Variants in NEXN observed in about 807,000 individuals in gnomAD.
The protein encoded by NEXN is nexilin F-actin binding protein, also known as nexilin.
NEXN carries 65 observed loss-of-function variants against 92.6 expected under a neutral mutation model. The observed-to-expected ratio is 0.70, with a 90% confidence interval of 0.57 to 0.86. The LOEUF (loss-of-function observed/expected upper bound fraction) is 0.86. Ranked by LOEUF, NEXN falls within the 40% of genes least tolerant of loss-of-function variation. The pLI is 0.00. For synonymous variants in NEXN, 254 were observed against 242.5 expected (o/e 1.05, Z -0.44); for missense variants, 778 against 771.1 (o/e 1.01, Z -0.11).
At chr1:77,934,011 A>ATTTTTTTTTTTTTT (rs71075780) in intron 10 of NEXN, among the ~76,000 whole-genome samples, 23 of 114,312 alleles carry the variant, frequency 2.0e-4, no homozygotes, top group East Asian at 5.0e-4. Flanking sequence ...CTAATTTTTA[A>ATTTTTTTTTTTTTT]TTTTTTTTTT....
At chr1:77,921,124 A>G (rs187623643) in intron 5 of NEXN, among the ~76,000 whole-genome samples, 1 of 152,346 alleles carries the variant, frequency 6.6e-6, no homozygotes, top group East Asian at 1.9e-4. Flanking sequence ...TTTTACCATA[A>G]GCTAATAAAG....
intron 9 of NEXN, chr1:77,931,918 G>C (rs970982238): frequency 6.6e-6 from 1 of 152,038 alleles, no homozygotes; most frequent in African/African-American, 2.4e-5. Context: ...ATGTTATACC[G>C]CGCCCGGCCT....
At chr1:77,939,934 C>T (rs866223879) in intron 11 of NEXN, among the ~76,000 whole-genome samples, 3 of 152,002 alleles carry the variant, frequency 2.0e-5, no homozygotes, top group Admixed American at 6.6e-5. Context: ...ATTAGCCGGG[C>T]GTGGTGGCAG....
At chr1:77,936,581 G>A (rs186566397) in intron 11 of NEXN, among the ~76,000 whole-genome samples, 256 of 152,224 alleles carry the variant, frequency 1.7e-3, no homozygotes, top group African/African-American at 5.9e-3. Flanking sequence ...GTAGTAATTC[G>A]GTGTGGAAGA....
intron 10 of NEXN, among the ~76,000 whole-genome samples, chr1:77,934,375 T>C (rs1650575494): frequency 6.6e-6 from 1 of 152,202 alleles, no homozygotes; most frequent in African/African-American, 2.4e-5. Context: ...CTCAAACTTC[T>C]GGCAAGCGAT....
intron 10 of NEXN, among the ~76,000 whole-genome samples, chr1:77,935,096 C>G (rs1259888086): frequency 6.6e-6 from 1 of 152,210 alleles, no homozygotes; most frequent in Non-Finnish European, 1.5e-5. Flanking sequence ...CAAAGTCTTG[C>G]TGTGTCACCC....
intron 5 of NEXN, among the ~76,000 whole-genome samples, chr1:77,920,553 T>A (rs1376047581): frequency 6.8e-6 from 1 of 147,846 alleles, no homozygotes; most frequent in East Asian, 2.0e-4. Flanking sequence ...CCCAGGAGTT[T>A]CAGGATGCAG....
chr1:77,910,760 A>AAAC (rs1553235523), intron 1 of NEXN, among the ~76,000 whole-genome samples: 1 of 122,252 alleles, frequency 8.2e-6, no homozygotes, highest in African/African-American at 3.0e-5. Flanking sequence ...AAAAAAAAAA[A>AAAC]AAAAAAAAAA....
chr1:77,941,909 A>C, intron 11 of NEXN, 114 bp from the exon 12 acceptor site: 1 of 1,046,910 alleles, frequency 9.6e-7, no homozygotes, highest in Non-Finnish European at 1.4e-6. Flanking sequence ...TGTAGCAAAA[A>C]TATGCATTAT....
chr1:77,916,036 C>T lies in NEXN; in HGVS notation c.-52-19C>T. ...TACAAATAAATTAAAATTTATTATA[C>T]AATATAAATTTTTTTCAGGTGCAAA... On this transcript the variant is annotated intron_variant, in intron 1 of 12. Coordinates refer to ENST00000334785, the MANE Select transcript of NEXN (RefSeq NM_144573.4). 1 of 902,442 alleles carries T rather than the reference C, an allele frequency of 1.1e-6. No homozygotes were observed. Among genetic ancestry groups the T allele is most frequent in the African/African-American group, 1.8e-5 (1 of 56,700 alleles). The allele number at this position is 902,442 out of a possible 1,614,324, so 55.9% of individuals were successfully genotyped here.
chr1:77,917,649 C>T lies in NEXN; in HGVS notation c.111C>T (p.Ala37=). ...GTGATGTAAAGGATAAGTTTGAAGC[C>T]ATGCAGAGAGCCAGGGAAGAAAGAA... ...GKGDVKDKFE[A]MQRAREERNQ... Residue 37 remains alanine, a synonymous_variant, in exon 3 of 13, where the codon GCC becomes GCT. Transcript: ENST00000334785. 2 of 1,613,042 alleles carry T rather than the reference C, an allele frequency of 1.2e-6. No homozygotes were observed. The highest frequency in any genetic ancestry group is 1.7e-6 in the Non-Finnish European group (2 of 1,179,552).
intron 1 of NEXN, among the ~76,000 whole-genome samples, chr1:77,890,516 T>G (rs1647081949): frequency 6.6e-6 from 1 of 152,202 alleles, no homozygotes; most frequent in Non-Finnish European, 1.5e-5. Flanking sequence ...ATGACTATAT[T>G]TAGCATCAAC....
At chr1:77,900,599 G>A (rs1227673014) in intron 1 of NEXN, among the ~76,000 whole-genome samples, 1 of 152,136 alleles carries the variant, frequency 6.6e-6, no homozygotes, top group African/African-American at 2.4e-5. Flanking sequence ...GATAAATTGT[G>A]TATGGGTTAT....
chr1:77,938,310 A>C (rs1650950926), intron 11 of NEXN, among the ~76,000 whole-genome samples: 1 of 152,072 alleles, frequency 6.6e-6, no homozygotes, highest in African/African-American at 2.4e-5. Context: ...AACATGTTGG[A>C]TCTGTTGTTT....
chr1:77,907,531 C>CA (rs1042245783), intron 1 of NEXN, among the ~76,000 whole-genome samples: 74 of 152,320 alleles, frequency 4.9e-4, no homozygotes, highest in Middle Eastern at 3.4e-3. Flanking sequence ...AGTAAAGGAT[C>CA]ACTTGCTTAT....
chr1:77,929,441 A>T lies in NEXN; in HGVS notation c.990A>T (p.Glu330Asp). 4 of 1,613,444 alleles carry T rather than the reference A, an allele frequency of 2.5e-6. No homozygotes were observed. Among genetic ancestry groups the T allele is most frequent in the Non-Finnish European group, 3.4e-6 (4 of 1,179,574 alleles). Residue 330 changes from glutamate (E) to aspartate (D), a missense_variant, in exon 9 of 13, where the codon GAA (glutamate) becomes GAT (aspartate). Glu to Asp is a conservative substitution (Grantham distance 45, BLOSUM62 2). Transcript: ENST00000334785. ...QRREDEKRKA[E>D]EEARRRIEEE... Reference sequence around the variant, plus strand: ...GAGAAGATGAAAAAAGGAAAGCAGAAGAAGAAGCCAGAAGGAGAATAGAGG... The same window carrying T: ...GAGAAGATGAAAAAAGGAAAGCAGATGAAGAAGCCAGAAGGAGAATAGAGG...
Position 77,943,074 on chromosome 1 carries a change from C to A in NEXN, c.*245C>A. On this transcript the variant is annotated 3_prime_UTR_variant, in exon 13 of 13. Coordinates refer to ENST00000334785, the MANE Select transcript of NEXN (RefSeq NM_144573.4). The stretch of plus-strand genomic sequence containing the variant: ...CAAAGCACAGCTCATCTAAAGAATG[C>A]CTACTTCTTTTCCAAATAAGCATCA... 1 of 492,866 alleles carries A rather than the reference C, an allele frequency of 2.0e-6. No homozygotes were observed. Among genetic ancestry groups the A allele is most frequent in the Non-Finnish European group, 3.8e-6 (1 of 264,924 alleles). 30.5% of individuals were successfully genotyped at this position (492,866 alleles called of 1,614,324 possible).
chr1:77,917,581 T>C lies in NEXN; in HGVS notation c.43T>C (p.Ser15Pro). 8 of 1,613,092 alleles carry C rather than the reference T, an allele frequency of 5.0e-6. No individual in the cohort carries two copies. The highest frequency in any genetic ancestry group is 6.8e-6 in the Non-Finnish European group (8 of 1,179,288). ...TCTAATGAAGATTCTGCTTTCTTCA[T>C]CTAAACCTGTCCCAAAAACCTATGT... is the stretch of plus-strand genomic sequence containing the variant. ...SQKAEILLSSSKPVPKTYVPK... is the reference protein window; with the variant it reads ...SQKAEILLSSPKPVPKTYVPK... Residue 15 changes from serine (S) to proline (P), a missense_variant, in exon 3 of 13, where the codon TCT (serine) becomes CCT (proline). Ser to Pro is a moderately conservative substitution (Grantham distance 74, BLOSUM62 -1). Transcript: ENST00000334785.
intron 1 of NEXN, among the ~76,000 whole-genome samples, chr1:77,910,261 A>G (rs1648454147): frequency 6.6e-6 from 1 of 152,242 alleles, no homozygotes; most frequent in Admixed American, 6.5e-5. Flanking sequence ...TCCTAAGATC[A>G]GGAACAAGAC....
Sources: gnomAD v4.1 joint callset for allele counts (sites outside exome capture counted in the v4.1 genomes callset) on GRCh38, gnomAD v4.1.1 for gene constraint, MANE v1.5 for transcripts, NCBI Gene and HGNC (gene_info 2026-07-23, HGNC 2026-07-21) for gene names.